Variants in ZC2HC1B observed in about 807,000 individuals in gnomAD.
ZC2HC1B encodes zinc finger C2HC-type containing 1B, also known as zinc finger C2HC domain-containing protein 1B.
In ZC2HC1B, 36 loss-of-function variants were observed where a neutral mutation model predicts 31.0. That is an observed-to-expected ratio of 1.16 (90% CI 0.89 to 1.54). ZC2HC1B has a LOEUF of 1.54. Among genes scored for constraint, ZC2HC1B ranks in the 40% most tolerant of loss-of-function variants. The pLI, the probability that ZC2HC1B is intolerant of heterozygous loss-of-function variation, is 0.00. For missense variants in ZC2HC1B, 260 were observed against 268.6 expected, an observed-to-expected ratio of 0.97 and a Z score of 0.22; for synonymous variants, 73 against 88.0, an observed-to-expected ratio of 0.83 and a Z score of 0.95.
In ZC2HC1B at chr6:143,911,203, C is replaced by A. The variant is rs1379687648; in HGVS notation, c.598+8051C>A. On this transcript the variant is annotated intron_variant, in intron 6 of 7. Coordinates refer to ENST00000237275, the MANE Select transcript of ZC2HC1B (RefSeq NM_001013623.3). The surrounding 1 kb of genome is among the most constrained non-coding windows in gnomAD (Gnocchi z 4.5). ...AGTAAGATGGGTCTCTTGAAGACAG[C>A]ATATTGATGGGTCCTGGTTCTTTAT... 2.6e-5 allele frequency among the ~76,000 whole-genome samples: 4 copies of A among 152,188 alleles called. No individual in the cohort carries two copies. The highest frequency in any genetic ancestry group is 5.9e-5 in the Non-Finnish European group (4 of 68,034).
Position 143,886,919 on chromosome 6 carries a change from T to C in ZC2HC1B, c.349+98T>C. On this transcript the variant is annotated intron_variant, in intron 4 of 7. Transcript: ENST00000237275. This position sits in a 1 kb window ranked among gnomAD's most constrained non-coding sequence, Gnocchi z 4.2. ...TCTGAAATTGACAATAACAATTACA[T>C]AGAAGTAATTTTATTAATTATATAA... 2.7e-6 allele frequency: 3 copies of C among 1,111,742 alleles called. No individual in the cohort carries two copies. Among genetic ancestry groups the C allele is most frequent in the African/African-American group, 1.6e-5 (1 of 61,168 alleles). 68.9% of individuals were successfully genotyped at this position (1,111,742 alleles called of 1,614,324 possible).
rs149272738 is a variant in ZC2HC1B at position 143,917,636 on chromosome 6, C to T, written c.598+14484C>T. The stretch of plus-strand genomic sequence containing the variant: ...ATCTAAAAATCTGAAATCTAAAATG[C>T]TCCAACATCTGAAACTTTTTGAGCA... On this transcript the variant is annotated intron_variant, in intron 6 of 7. Transcript: ENST00000237275. This position sits in a 1 kb window ranked among gnomAD's most constrained non-coding sequence, Gnocchi z 4.1. Among the ~76,000 whole-genome samples, 778 of 152,260 alleles carry T rather than the reference C, an allele frequency of 5.1e-3. 4 individuals are homozygous for T. The highest frequency in any genetic ancestry group is 0.017 in the African/African-American group (709 of 41,562).
At chr6:143,888,119 G>A (rs1485797645) in intron 4 of ZC2HC1B, among the ~76,000 whole-genome samples, 1 of 151,924 alleles carries the variant, frequency 6.6e-6, no homozygotes, top group Non-Finnish European at 1.5e-5. Context: ...TTTTTTGCAT[G>A]TGGATATCCA....
At chr6:143,880,088 A>G (rs1479572897) in intron 1 of ZC2HC1B, among the ~76,000 whole-genome samples, 1 of 151,898 alleles carries the variant, frequency 6.6e-6, no homozygotes, top group African/African-American at 2.4e-5. Context: ...TAGCCTCCCA[A>G]ATATGCTGGG....
chr6:143,887,618 T>C lies in ZC2HC1B; in HGVS notation c.349+797T>C, dbSNP rs1301518664. 6.6e-6 allele frequency among the ~76,000 whole-genome samples: 1 copy of C among 152,186 alleles called. No homozygotes were observed. Among genetic ancestry groups the C allele is most frequent in the African/African-American group, 2.4e-5 (1 of 41,458 alleles). Reference sequence around the variant, plus strand: ...CTTTTGTTATCTCTTCGGTCTTTATTAAATCTTGAACAATATCCCTACCAG... The same window carrying C: ...CTTTTGTTATCTCTTCGGTCTTTATCAAATCTTGAACAATATCCCTACCAG... On this transcript the variant is annotated intron_variant, in intron 4 of 7. Transcript: ENST00000237275. This position sits in a 1 kb window ranked among gnomAD's most constrained non-coding sequence, Gnocchi z 5.1.
In ZC2HC1B at chr6:143,915,411, A is replaced by G. The variant is rs1777905672; in HGVS notation, c.598+12259A>G. ...TGGGTATGTCTTTTTCGGCAGCATG[A>G]AAACAGACGAATACAGTAAATTGGT... is the stretch of plus-strand genomic sequence containing the variant. On this transcript the variant is annotated intron_variant, in intron 6 of 7. Transcript: ENST00000237275. This position sits in a 1 kb window ranked among gnomAD's most constrained non-coding sequence, Gnocchi z 5.2. Among the ~76,000 whole-genome samples the G allele has an allele frequency of 6.6e-6, 1 of 152,220 alleles. No individual in the cohort carries two copies. The highest frequency in any genetic ancestry group is 2.4e-5 in the African/African-American group (1 of 41,458).
rs187134865 is a variant in ZC2HC1B, at chr6:143,873,570, G to A, written c.28+9003G>A. ...CAAACTTTTGCCTGAGAATCCAGGC[G>A]TTTCCATACATCTTCTGAAATCTAG... On this transcript the variant is annotated intron_variant, in intron 1 of 7. Coordinates refer to ENST00000237275, the MANE Select transcript of ZC2HC1B (RefSeq NM_001013623.3). Among the ~76,000 whole-genome samples the A allele has an allele frequency of 2.9e-3, 435 of 152,346 alleles. 3 individuals are homozygous for A. The highest frequency in any genetic ancestry group is 5.2e-3 in the Non-Finnish European group (353 of 68,024).
rs950101882 is a variant in ZC2HC1B at position 143,938,036 on chromosome 6, A to G, written c.*15-106A>G. 6 of 185,454 alleles carry G rather than the reference A, an allele frequency of 3.2e-5. No homozygotes were observed. The highest frequency in any genetic ancestry group is 5.5e-5 in the Non-Finnish European group (5 of 90,336). The allele number at this position is 185,454 out of a possible 1,614,324, so 11.5% of individuals were successfully genotyped here. A position where few individuals can be genotyped will look rare whatever the true frequency, so the allele number is the denominator to read the frequency against. On this transcript the variant is annotated intron_variant, in intron 7 of 7. Transcript: ENST00000237275. The surrounding 1 kb of genome is among the most constrained non-coding windows in gnomAD (Gnocchi z 4.2). ...AAAGAATAGTTCCCTGAGGGTGTGA[A>G]TTGTTTGTAAAATAATTAAAAGTCT...
chr6:143,886,173 G>A lies in ZC2HC1B; in HGVS notation c.210+22G>A. On this transcript the variant is annotated intron_variant, in intron 3 of 7. Transcript: ENST00000237275. This position sits in a 1 kb window ranked among gnomAD's most constrained non-coding sequence, Gnocchi z 4.2. Reference sequence around the variant, plus strand: ...CAAGGTACTCCTGATATCTTCTTTAGTGTTTGTTATTACATTCTGCGGTAC... The same window carrying A: ...CAAGGTACTCCTGATATCTTCTTTAATGTTTGTTATTACATTCTGCGGTAC... The A allele has an allele frequency of 6.6e-7, 1 of 1,505,544 alleles. No homozygotes were observed. The highest frequency in any genetic ancestry group is 8.8e-7 in the Non-Finnish European group (1 of 1,131,254). 93.3% of individuals were successfully genotyped at this position (1,505,544 alleles called of 1,614,324 possible).
intron 6 of ZC2HC1B, among the ~76,000 whole-genome samples, chr6:143,919,762 G>C (rs187331644): frequency 1.2e-4 from 18 of 152,250 alleles, no homozygotes; most frequent in Admixed American, 9.8e-4. Flanking sequence ...ATCTGAAATT[G>C]GTGAAATTAA....
At chr6:143,926,743 A>C (rs557928744) in intron 6 of ZC2HC1B, among the ~76,000 whole-genome samples, 3 of 149,046 alleles carry the variant, frequency 2.0e-5, no homozygotes, top group Admixed American at 6.7e-5. Flanking sequence ...ATTGGAGTCT[A>C]TCTCTCCCTT....
At chr6:143,901,905 G>A (rs1777742836) in intron 5 of ZC2HC1B, among the ~76,000 whole-genome samples, 1 of 152,202 alleles carries the variant, frequency 6.6e-6, no homozygotes, top group African/African-American at 2.4e-5. Context: ...AGTAAAGGGT[G>A]AGTTACATTT....
At position 143,884,851 on chromosome 6, in the gene ZC2HC1B, C is replaced by T. The variant is rs2128493948; in HGVS notation, c.90+486C>T. Among the ~76,000 whole-genome samples, 1 of 152,084 alleles carries T rather than the reference C, an allele frequency of 6.6e-6. No homozygotes were observed. On this transcript the variant is annotated intron_variant, in intron 2 of 7. Coordinates refer to ENST00000237275, the MANE Select transcript of ZC2HC1B (RefSeq NM_001013623.3). The surrounding 1 kb of genome is among the most constrained non-coding windows in gnomAD (Gnocchi z 5.1). The stretch of plus-strand genomic sequence containing the variant: ...CCTTCAAATTTGAGGGTTTTTATAC[C>T]ATTTGAACAAAATGATACATGGATG...
Position 143,864,579 on chromosome 6 carries a change from T to C in ZC2HC1B, c.28+12T>C, listed in dbSNP as rs538064205. ...ACCATTTTTGGCAGGTGAGCTGCAC[T>C]TGATATCTAAATTATTAGAAAATGC... On this transcript the variant is annotated intron_variant, in intron 1 of 7. Coordinates refer to ENST00000237275, the MANE Select transcript of ZC2HC1B (RefSeq NM_001013623.3). 6.4e-7 allele frequency: 1 copy of C among 1,551,592 alleles called. No homozygotes were observed. Among genetic ancestry groups the C allele is most frequent in the Non-Finnish European group, 8.7e-7 (1 of 1,146,900 alleles).
chr6:143,927,106 A>G (rs1778062600), intron 6 of ZC2HC1B, among the ~76,000 whole-genome samples: 1 of 151,648 alleles, frequency 6.6e-6, no homozygotes, highest in Non-Finnish European at 1.5e-5. Context: ...CCCGAATTGT[A>G]TCTTCTTACC....
At chr6:143,890,605 G>A (rs965542094) in intron 4 of ZC2HC1B, among the ~76,000 whole-genome samples, 1 of 151,904 alleles carries the variant, frequency 6.6e-6, no homozygotes, top group African/African-American at 2.4e-5. Flanking sequence ...GTGTAATAAG[G>A]CAAGAAATGA....
chr6:143,879,099 C>G (rs950353784), intron 1 of ZC2HC1B, among the ~76,000 whole-genome samples: 1 of 152,160 alleles, frequency 6.6e-6, no homozygotes, highest in Non-Finnish European at 1.5e-5. Flanking sequence ...TTGACAGTCT[C>G]TTCCTCCTCA....
chr6:143,881,957 A>G (rs912487478), intron 1 of ZC2HC1B, among the ~76,000 whole-genome samples: 2 of 152,094 alleles, frequency 1.3e-5, no homozygotes, highest in Non-Finnish European at 2.9e-5. Context: ...AGGGACTTCT[A>G]GTTGTTTTCA....
intron 4 of ZC2HC1B, among the ~76,000 whole-genome samples, chr6:143,888,584 GT>G (rs1187589990): frequency 6.6e-6 from 1 of 151,840 alleles, no homozygotes; most frequent in Admixed American, 6.6e-5. Flanking sequence ...AAATATTGTA[GT>G]TTTCAATGGA....
Sources: allele counts gnomAD v4.1 joint callset (sites outside exome capture counted in the v4.1 genomes callset), GRCh38; gene constraint gnomAD v4.1.1; non-coding constraint Gnocchi (gnomAD v3.1); transcripts MANE v1.5; gene names NCBI Gene and HGNC (gene_info 2026-07-23, HGNC 2026-07-21).